The following CACNA1S variants were observed in gnomAD, a reference collection of about 807,000 sequenced individuals.
CACNA1S encodes voltage-dependent L-type calcium channel subunit alpha-1S.
Under a neutral mutation model 207.4 loss-of-function variants are expected in CACNA1S, and 126 were observed. The ratio of observed to expected loss-of-function variants is 0.61; its 90% CI spans 0.53 to 0.70. CACNA1S has a LOEUF of 0.70. CACNA1S is among the 30% of genes least tolerant of loss of function. The pLI is 0.00. For synonymous variants in CACNA1S, 960 were observed against 932.7 expected, an observed-to-expected ratio of 1.03 and a Z score of -0.53; for missense variants, 2,349 against 2,422.8, an observed-to-expected ratio of 0.97 and a Z score of 0.64.
chr1:201,091,812 A>G lies in CACNA1S; in HGVS notation c.542-20T>C. The G allele has an allele frequency of 6.2e-7, 1 of 1,610,070 alleles. No individual in the cohort carries two copies. The highest frequency in any genetic ancestry group is 8.5e-7 in the Non-Finnish European group (1 of 1,177,802). ...GCAGGCCTGCAGAGGCAGGCAGGGA[A>G]GGGAAAAGAGGAGTCGCCTCTGCTT... On this transcript the variant is annotated intron_variant, in intron 4 of 43. Transcript: ENST00000362061.
At chr1:201,084,897 T>C in intron 9 of CACNA1S, 53 bp downstream of exon 9, 3 of 1,205,704 alleles carry the variant, frequency 2.5e-6, no homozygotes, top group Non-Finnish European at 3.7e-6. Context: ...TCTACCCTCA[T>C]GTCTCAGGGA....
intron 3 of CACNA1S, among the ~76,000 whole-genome samples, chr1:201,092,896 C>T (rs940709241): frequency 6.6e-6 from 1 of 152,200 alleles, no homozygotes; most frequent in African/African-American, 2.4e-5. Context: ...CATGCAGCCT[C>T]TGGAGCCGAG....
intron 4 of CACNA1S, 36 bp downstream of exon 4, chr1:201,091,936 G>A (rs779221511): frequency 1.2e-6 from 2 of 1,613,468 alleles, no homozygotes; most frequent in East Asian, 2.2e-5. Context: ...CAGGAAGGGA[G>A]AGGAGAAAGG....
chr1:201,099,803 T>C (rs1662569923), intron 2 of CACNA1S, among the ~76,000 whole-genome samples: 1 of 152,194 alleles, frequency 6.6e-6, no homozygotes, highest in Non-Finnish European at 1.5e-5. Context: ...TCCCTTAAGC[T>C]GACAGCTGGA....
intron 28 of CACNA1S, among the ~76,000 whole-genome samples, chr1:201,056,164 A>G (rs1470527792): frequency 6.6e-6 from 1 of 151,650 alleles, no homozygotes; most frequent in Non-Finnish European, 1.5e-5. Flanking sequence ...AGGGGATCTG[A>G]GCAGATGGGG....
intron 38 of CACNA1S, among the ~76,000 whole-genome samples, chr1:201,046,308 A>T (rs954633078): frequency 2.5e-4 from 38 of 152,016 alleles, no homozygotes; most frequent in African/African-American, 8.2e-4. Flanking sequence ...CAACCTCCCA[A>T]ATAGCTGGGA....
chr1:201,089,859 C>G (rs1457155216), intron 5 of CACNA1S, among the ~76,000 whole-genome samples: 1 of 152,156 alleles, frequency 6.6e-6, no homozygotes, highest in East Asian at 1.9e-4. Context: ...AGAGTTCTGT[C>G]TGGGAGGTGA....
Position 201,040,333 on chromosome 1 carries a change from G to C in CACNA1S, c.5268C>G (p.Ser1756Arg). The change falls in exon 43 of 44, where the codon AGC becomes AGG. Residue 1756 changes from serine (S) to arginine (R), a missense_variant. Coordinates refer to ENST00000362061, the MANE Select transcript of CACNA1S (RefSeq NM_000069.3). ...VESSMPEDRK[S>R]STPGSLHEET... is the part of the protein sequence containing the mutation. ...CCTCATGAAGAGACCCTGGTGTGGA[G>C]CTCTTTCTGTCCTCAGGCATGGAGG... 2.5e-6 allele frequency: 4 copies of C among 1,613,714 alleles called. No homozygotes were observed. Among genetic ancestry groups the C allele is most frequent in the Non-Finnish European group, 3.4e-6 (4 of 1,179,862 alleles).
At position 201,043,359 on chromosome 1, in the gene CACNA1S, G is replaced by A. The variant is rs1397470265; in HGVS notation, c.4970C>T (p.Ala1657Val). 2 of 1,614,214 alleles carry A rather than the reference G, an allele frequency of 1.2e-6. No homozygotes were observed. The highest frequency in any genetic ancestry group is 2.2e-5 in the East Asian group (1 of 44,884). ...FPQDPRTNPL[A>V]RANTNNANAN... ...GTTGGCATTGTTGGTATTGGCACGAGCCAGGGGGTTGGTGCGTGGATCTTG... is the reference window on the plus strand; with the variant it reads ...GTTGGCATTGTTGGTATTGGCACGAACCAGGGGGTTGGTGCGTGGATCTTG... Residue 1657 changes from alanine (A) to valine (V), a missense_variant, in exon 40 of 44, where the codon GCT (alanine) becomes GTT (valine). Coordinates refer to ENST00000362061, the MANE Select transcript of CACNA1S (RefSeq NM_000069.3).
In CACNA1S at chr1:201,055,060, T is replaced by C. The variant is rs1660792945; in HGVS notation, c.3610-499A>G. 2.0e-5 allele frequency among the ~76,000 whole-genome samples: 3 copies of C among 152,162 alleles called. 1 individual carries two copies. In the South Asian group the frequency reaches 6.2e-4, roughly 32 times the overall value. ...GTCTGAAATCCCCACAGCAGATGTTTCTCTGTCCAGGACTGGACCTGGGAC... is the reference window on the plus strand; with the variant it reads ...GTCTGAAATCCCCACAGCAGATGTTCCTCTGTCCAGGACTGGACCTGGGAC... On this transcript the variant is annotated intron_variant, in intron 28 of 43. Coordinates refer to ENST00000362061, the MANE Select transcript of CACNA1S (RefSeq NM_000069.3).
chr1:201,101,355 C>T (rs536570105), intron 2 of CACNA1S, among the ~76,000 whole-genome samples: 4 of 152,344 alleles, frequency 2.6e-5, no homozygotes, highest in South Asian at 4.1e-4. Flanking sequence ...CAACCCTCAC[C>T]CTCCATAACT....
At chr1:201,058,166 G>A (rs1046270836) in intron 28 of CACNA1S, among the ~76,000 whole-genome samples, 6 of 152,130 alleles carry the variant, frequency 3.9e-5, no homozygotes, top group Non-Finnish European at 7.4e-5. Flanking sequence ...TTTCCTTTCC[G>A]TTACAGCTCT....
Position 201,112,307 on chromosome 1 carries a change from C to T in CACNA1S, c.33G>A (p.Leu11=). 1 of 1,613,938 alleles carries T rather than the reference C, an allele frequency of 6.2e-7. No homozygotes were observed. Among genetic ancestry groups the T allele is most frequent in the South Asian group, 1.1e-5 (1 of 91,066 alleles). The part of the protein sequence containing the change: MEPSSPQDEG[L]RKKQPKKPVP... ...CTGGCTTCTTGGGCTGTTTCTTCCT[C>T]AGGCCTTCATCCTGGGGTGAGGATG... The change falls in exon 1 of 44, where the codon CTG becomes CTA. Residue 11 remains leucine, a synonymous_variant. Transcript: ENST00000362061.
At chr1:201,088,946 G>A (rs531034611) in intron 6 of CACNA1S, among the ~76,000 whole-genome samples, 63 of 152,330 alleles carry the variant, frequency 4.1e-4, no homozygotes, top group African/African-American at 1.5e-3. Context: ...CAAAAAGTGT[G>A]AAATTCTAAG....
chr1:201,101,725 G>GCTGC (rs1662674379), intron 2 of CACNA1S, among the ~76,000 whole-genome samples: 1 of 152,232 alleles, frequency 6.6e-6, no homozygotes, highest in African/African-American at 2.4e-5. Flanking sequence ...TGGGCAGGCT[G>GCTGC]CTGCCTTGTG....
chr1:201,110,462 C>G (rs7513829), intron 1 of CACNA1S, among the ~76,000 whole-genome samples, 193 bp from the exon 2 acceptor site: 47 of 152,082 alleles, frequency 3.1e-4, no homozygotes, highest in African/African-American at 1.1e-3. Context: ...CTGCCTTGAC[C>G]TCTGGCTCCC....
intron 22 of CACNA1S, among the ~76,000 whole-genome samples, chr1:201,065,152 G>A (rs954779933): frequency 1.3e-5 from 2 of 152,250 alleles, no homozygotes; most frequent in African/African-American, 4.8e-5. Context: ...GGCCCGGGAT[G>A]GATGTCACTG....
intron 22 of CACNA1S, among the ~76,000 whole-genome samples, chr1:201,064,012 G>C (rs771820906): frequency 6.6e-6 from 1 of 152,256 alleles, no homozygotes; most frequent in Admixed American, 6.5e-5. Flanking sequence ...TGGAAGGCAG[G>C]AGCTGGGGGT....
chr1:201,041,472 T>C (rs775945923), intron 41 of CACNA1S, 32 bp downstream of exon 41: 1 of 1,556,452 alleles, frequency 6.4e-7, no homozygotes, highest in South Asian at 1.1e-5. Flanking sequence ...GGGAGAAGAC[T>C]CAAGCTTCTT....
Sources: gnomAD v4.1 joint callset for allele counts (sites outside exome capture counted in the v4.1 genomes callset) on GRCh38, gnomAD v4.1.1 for gene constraint, MANE v1.5 for transcripts, NCBI Gene and HGNC (gene_info 2026-07-23, HGNC 2026-07-21) for gene names.